Variants in VAV3 observed in about 807,000 individuals in gnomAD.
The protein encoded by VAV3 is guanine nucleotide exchange factor VAV3.
A neutral mutation model predicts 131.2 loss-of-function variants in VAV3; 94 were observed. The ratio of observed to expected loss-of-function variants is 0.72; its 90% CI spans 0.61 to 0.85. The LOEUF (loss-of-function observed/expected upper bound fraction) is 0.85. VAV3 is among the 40% of genes least tolerant of loss of function. The pLI is 0.00. For synonymous variants in VAV3, 349 were observed against 342.0 expected, an observed-to-expected ratio of 1.02 and a Z score of -0.22; for missense variants, 939 against 1,002.7, an observed-to-expected ratio of 0.94 and a Z score of 0.86.
intron 21 of VAV3, among the ~76,000 whole-genome samples, chr1:107,615,939 G>A (rs1653121307): frequency 6.6e-6 from 1 of 152,046 alleles, no homozygotes; most frequent in Admixed American, 6.6e-5. Flanking sequence ...TTATTAAAAA[G>A]TAAAAAAATA....
chr1:107,726,124 A>G (rs931092957), intron 15 of VAV3, among the ~76,000 whole-genome samples: 1 of 152,198 alleles, frequency 6.6e-6, no homozygotes, highest in African/African-American at 2.4e-5. Flanking sequence ...TACCTTCAGG[A>G]TATTTGAAAA....
At chr1:107,745,199 A>T (rs1188505593) in intron 15 of VAV3, among the ~76,000 whole-genome samples, 1 of 152,242 alleles carries the variant, frequency 6.6e-6, no homozygotes, top group African/African-American at 2.4e-5. Context: ...TGACAAAAAA[A>T]AAATAAAACC....
At chr1:107,774,816 A>G (rs1027387191) in intron 4 of VAV3, among the ~76,000 whole-genome samples, 1 of 152,186 alleles carries the variant, frequency 6.6e-6, no homozygotes, top group Non-Finnish European at 1.5e-5. Flanking sequence ...TTTAGAGTTA[A>G]GTATATTTAC....
chr1:107,757,187 G>GTGTGTGTGTGTGTGTGTGTGTA (rs869175769), intron 11 of VAV3, 74 bp downstream of exon 11: 1 of 797,084 alleles, frequency 1.3e-6, no homozygotes, highest in African/African-American at 1.8e-5. Flanking sequence ...GTGTGTGTGT[G>GTGTGTGTGTGTGTGTGTGTGTA]TATGCAATTT....
At chr1:107,785,627 G>T in intron 2 of VAV3, 1 of 1,140,244 alleles carries the variant, frequency 8.8e-7, no homozygotes. Flanking sequence ...GTTTCTGAAG[G>T]ATCAGAGCAA....
chr1:107,837,966 A>C (rs1444943534), intron 2 of VAV3, among the ~76,000 whole-genome samples: 1 of 152,206 alleles, frequency 6.6e-6, no homozygotes, highest in Non-Finnish European at 1.5e-5. Flanking sequence ...ACTCTTCTCA[A>C]CATGGGACCT....
intron 20 of VAV3, among the ~76,000 whole-genome samples, chr1:107,642,052 C>T (rs1655380328): frequency 6.6e-6 from 1 of 152,136 alleles, no homozygotes; most frequent in Non-Finnish European, 1.5e-5. Flanking sequence ...TTAAATCTAA[C>T]AAACTGTAAT....
intron 25 of VAV3, among the ~76,000 whole-genome samples, chr1:107,587,619 C>T (rs762144467): frequency 5.9e-5 from 9 of 152,150 alleles, no homozygotes; most frequent in Non-Finnish European, 8.8e-5. Flanking sequence ...TATATTGAGT[C>T]TCCCTCTGTT....
chr1:107,829,960 A>G (rs995952016), intron 2 of VAV3, among the ~76,000 whole-genome samples: 4 of 152,180 alleles, frequency 2.6e-5, no homozygotes, highest in Non-Finnish European at 4.4e-5. Flanking sequence ...ATTTCATTTA[A>G]AGAACTAAAT....
At chr1:107,859,168 C>G (rs576620717) in intron 2 of VAV3, among the ~76,000 whole-genome samples, 9 of 151,210 alleles carry the variant, frequency 6.0e-5, no homozygotes, top group African/African-American at 2.2e-4. Flanking sequence ...CTCACTGCAA[C>G]CTTGACCTCC....
At chr1:107,792,448 C>G (rs1666345007) in intron 2 of VAV3, among the ~76,000 whole-genome samples, 2 of 152,200 alleles carry the variant, frequency 1.3e-5, no homozygotes, top group African/African-American at 4.8e-5. Flanking sequence ...GCTGGGACTA[C>G]AGGTGTGCAC....
At position 107,607,731 on chromosome 1, in the gene VAV3, G is replaced by A. The variant is rs144438657; in HGVS notation, c.2015+2200C>T. Among the ~76,000 whole-genome samples the A allele has an allele frequency of 6.6e-5, 10 of 152,156 alleles. No individual in the cohort carries two copies. In the South Asian group the frequency reaches 8.3e-4, roughly 13 times the overall value. On this transcript the variant is annotated intron_variant, in intron 22 of 26. Coordinates refer to ENST00000370056, the MANE Select transcript of VAV3 (RefSeq NM_006113.5). ...TCTCATTCCTATCTTTTGATACCCC[G>A]AAACATAGATTATTGAAGACAATCA...
chr1:107,805,113 G>A (rs1444906858), intron 2 of VAV3, among the ~76,000 whole-genome samples: 1 of 152,024 alleles, frequency 6.6e-6, no homozygotes, highest in Non-Finnish European at 1.5e-5. Context: ...CTTGACCTTT[G>A]AGAGTTTATT....
chr1:107,810,374 T>C (rs1319578440), intron 2 of VAV3, among the ~76,000 whole-genome samples: 1 of 152,198 alleles, frequency 6.6e-6, no homozygotes, highest in African/African-American at 2.4e-5. Context: ...GTATGTTTTC[T>C]TCTTGGAACC....
chr1:107,840,006 A>C (rs1030411389), intron 2 of VAV3, among the ~76,000 whole-genome samples: 3 of 152,178 alleles, frequency 2.0e-5, no homozygotes, highest in Non-Finnish European at 4.4e-5. Flanking sequence ...CAGCTAAAGA[A>C]GTCGAATTAA....
chr1:107,799,085 T>C (rs1303446085), intron 2 of VAV3, among the ~76,000 whole-genome samples: 2 of 152,150 alleles, frequency 1.3e-5, no homozygotes, highest in African/African-American at 4.8e-5. Context: ...CAAAAATTCT[T>C]TGAGCAATCA....
intron 2 of VAV3, among the ~76,000 whole-genome samples, chr1:107,871,889 G>GA (rs1670269994): frequency 6.6e-6 from 1 of 152,136 alleles, no homozygotes; most frequent in South Asian, 2.1e-4. Context: ...TACAATCAGT[G>GA]AATCACATGC....
chr1:107,690,490 C>T (rs1030946110), intron 17 of VAV3, among the ~76,000 whole-genome samples: 1 of 152,118 alleles, frequency 6.6e-6, no homozygotes, highest in Non-Finnish European at 1.5e-5. Context: ...TCATAGAACA[C>T]CAGAGGCTGT....
At chr1:107,884,397 ATAAATTAT>A (rs1284493301) in intron 1 of VAV3, among the ~76,000 whole-genome samples, 1 of 136,364 alleles carries the variant, frequency 7.3e-6, no homozygotes, top group Non-Finnish European at 1.6e-5. Context: ...AAAATTAAAA[ATAAATTAT>A]TTATTATTAT....
Sources: allele counts gnomAD v4.1 joint callset (sites outside exome capture counted in the v4.1 genomes callset), GRCh38; gene constraint gnomAD v4.1.1; transcripts MANE v1.5; gene names NCBI Gene and HGNC (gene_info 2026-07-23, HGNC 2026-07-21).